The following ZBTB25 variants were observed in gnomAD, a reference collection of about 807,000 sequenced individuals.
The protein encoded by ZBTB25 is zinc finger and BTB domain containing 25, also known as zinc finger and BTB domain-containing protein 25.
In ZBTB25, 20 loss-of-function variants were observed where a neutral mutation model predicts 34.2. That is an observed-to-expected ratio of 0.58 (90% CI 0.41 to 0.85). ZBTB25 has a LOEUF of 0.85. Among genes scored for constraint, ZBTB25 ranks in the 40% least tolerant of loss-of-function variants. The pLI is 0.00. For missense variants in ZBTB25, 437 were observed against 521.8 expected, an observed-to-expected ratio of 0.84 and a Z score of 1.58; for synonymous variants, 175 against 186.4, an observed-to-expected ratio of 0.94 and a Z score of 0.50.
chr14:64,468,420 A>T, intron 2 of ZBTB25: 1 of 1,603,876 alleles, frequency 6.2e-7, no homozygotes, highest in East Asian at 2.2e-5. Flanking sequence ...TCAGAAATTC[A>T]TGTAGAAAAC....
chr14:64,493,492 G>C (rs74835102), intron 1 of ZBTB25, among the ~76,000 whole-genome samples: 1 of 152,148 alleles, frequency 6.6e-6, no homozygotes, highest in East Asian at 1.9e-4. Context: ...ATCATTAGGC[G>C]TGAGTAAAGA....
At chr14:64,456,326 G>A (rs1420015993) in intron 2 of ZBTB25, among the ~76,000 whole-genome samples, 1 of 152,310 alleles carries the variant, frequency 6.6e-6, no homozygotes, top group East Asian at 1.9e-4. Context: ...ACACCTTCCA[G>A]TTGCCGTTGG....
In ZBTB25 at chr14:64,486,215, TG is replaced by T. The variant is rs34781508; in HGVS notation, c.*707del. 0.3 allele frequency: 242,002 copies of T among 819,152 alleles called. 37,656 individuals are homozygous for T. The highest frequency in any genetic ancestry group is 0.41 in the East Asian group (3,286 of 8,026). 50.7% of individuals were successfully genotyped at this position (819,152 alleles called of 1,614,324 possible). ...TGCTCAGGAGGCTGAGGCAGGAGAA[TG>T]GCGTGAACCCGGGAGGCGGAGCTTG... On this transcript the variant is annotated 3_prime_UTR_variant, in exon 3 of 3. Coordinates refer to ENST00000608382, the MANE Select transcript of ZBTB25 (RefSeq NM_006977.5).
chr14:64,478,712 T>C lies in ZBTB25; in HGVS notation c.*8211A>G, dbSNP rs562837302. 5.0e-4 allele frequency: 76 copies of C among 152,362 alleles called. No homozygotes were observed. Among genetic ancestry groups the C allele is most frequent in the African/African-American group, 1.8e-3 (73 of 41,584 alleles). The allele number at this position is 152,362 out of a possible 1,614,324, so 9.4% of individuals were successfully genotyped here. On this transcript the variant is annotated 3_prime_UTR_variant, in exon 3 of 3. Coordinates refer to ENST00000608382, the MANE Select transcript of ZBTB25 (RefSeq NM_006977.5). The stretch of plus-strand genomic sequence containing the variant: ...TTGATTAAAGAGGGATGTCAAGATA[T>C]TGCAGTACCTTATGAAATTTTAAGA...
rs752774262 is a variant in ZBTB25, at chr14:64,487,732, G to A, written c.499C>T (p.Gln167Ter). 1.2e-6 allele frequency: 2 copies of A among 1,613,884 alleles called. No individual in the cohort carries two copies. Among genetic ancestry groups the A allele is most frequent in the Non-Finnish European group, 1.7e-6 (2 of 1,179,992 alleles). The change falls in exon 3 of 3, where the codon CAG (glutamine) becomes TAG (stop). Residue 167 changes from glutamine to a stop codon, truncating the protein, a stop_gained. Coordinates refer to ENST00000608382, the MANE Select transcript of ZBTB25 (RefSeq NM_006977.5). LOFTEE classifies it high-confidence loss of function. ...CCAATAGCAAGAGACAACTGCAACT[G>A]GGGGTGGTCACCCTGGACAGCAGCT... ...NRAAVQGDHPQLQLSLAIGLD... is the reference protein window; with the variant it reads ...NRAAVQGDHP
upstream of ZBTB25, chr14:64,503,951 A>G (rs938018367): frequency 6.6e-6 from 1 of 152,134 alleles, no homozygotes; most frequent in Admixed American, 6.5e-5. Flanking sequence ...TGCCGCCGCC[A>G]CAGTTCGCAG....
chr14:64,468,634 C>T (rs755917276), intron 2 of ZBTB25: 1 of 1,613,898 alleles, frequency 6.2e-7, no homozygotes. Flanking sequence ...GGGCCTGGGC[C>T]TCACTCAAAC....
chr14:64,502,745 C>G (rs2079537696), intron 1 of ZBTB25: 1 of 983,134 alleles, frequency 1.0e-6, no homozygotes. Context: ...TGTCTGGAGC[C>G]TTGGAGTCTT....
chr14:64,449,681 C>A (rs768078804), intron 2 of ZBTB25: 1 of 1,579,642 alleles, frequency 6.3e-7, no homozygotes, highest in Non-Finnish European at 8.6e-7. Flanking sequence ...AGTGAAGTTT[C>A]TGTGTGGCTA....
chr14:64,453,485 C>T (rs1474127954), intron 2 of ZBTB25, among the ~76,000 whole-genome samples: 1 of 152,106 alleles, frequency 6.6e-6, no homozygotes, highest in Non-Finnish European at 1.5e-5. Flanking sequence ...GCAGGAGAAT[C>T]GCTTGAACCT....
At chr14:64,501,136 C>T (rs776135343) in intron 1 of ZBTB25, among the ~76,000 whole-genome samples, 8 of 152,180 alleles carry the variant, frequency 5.3e-5, no homozygotes, top group Admixed American at 1.3e-4. Context: ...CAAACACTTT[C>T]TTCTTCCTCC....
intron 2 of ZBTB25, chr14:64,461,608 G>A (rs1322783489): frequency 7.0e-6 from 1 of 142,568 alleles, no homozygotes; most frequent in East Asian, 2.1e-4. Flanking sequence ...GGGGGTAGGG[G>A]GGTTGGGACA....
At chr14:64,489,724 C>G (rs537378445) in intron 2 of ZBTB25, among the ~76,000 whole-genome samples, 2 of 150,138 alleles carry the variant, frequency 1.3e-5, no homozygotes, top group South Asian at 4.2e-4. Context: ...TTAGTAGAGA[C>G]GGGGTTTCAC....
In ZBTB25 at chr14:64,478,558, AAG is replaced by A. The variant is rs778533040; in HGVS notation, c.*8363_*8364del. 12 of 152,238 alleles carry A rather than the reference AAG, an allele frequency of 7.9e-5. No homozygotes were observed. The highest frequency in any genetic ancestry group is 4.1e-4 in the South Asian group (2 of 4,834). 9.4% of individuals were successfully genotyped at this position (152,238 alleles called of 1,614,324 possible). ...AAAACTGAGTGTGATGCCTGATTAA[AAG>A]AGCCCAAATTCCAAGGCCTCACAGT... is the stretch of plus-strand genomic sequence containing the variant. On this transcript the variant is annotated 3_prime_UTR_variant, in exon 3 of 3. Coordinates refer to ENST00000608382, the MANE Select transcript of ZBTB25 (RefSeq NM_006977.5).
downstream of ZBTB25, chr14:64,473,629 A>G (rs777968657): frequency 1.2e-5 from 2 of 167,114 alleles, no homozygotes; most frequent in Non-Finnish European, 2.9e-5. Context: ...GAGGTTTACA[A>G]CAGAATTTAA....
At chr14:64,467,348 A>C (rs2078622857) in intron 2 of ZBTB25, 1 of 152,208 alleles carries the variant, frequency 6.6e-6, no homozygotes, top group African/African-American at 2.4e-5. Context: ...TGCACTGCCT[A>C]ATACCCAAGA....
At chr14:64,457,355 G>C (rs2078491642) in intron 2 of ZBTB25, among the ~76,000 whole-genome samples, 1 of 152,124 alleles carries the variant, frequency 6.6e-6, no homozygotes, top group Admixed American at 6.6e-5. Flanking sequence ...GTAAGGTGAA[G>C]GTGGAAACAC....
At chr14:64,492,871 C>T (rs920289319) in intron 1 of ZBTB25, among the ~76,000 whole-genome samples, 4 of 152,130 alleles carry the variant, frequency 2.6e-5, no homozygotes, top group Non-Finnish European at 5.9e-5. Flanking sequence ...AGATGCTACA[C>T]TCAAGATTAC....
At position 64,459,131 on chromosome 14, in the gene ZBTB25, G is replaced by A. The variant is rs1374858249; in HGVS notation, c.174-9493C>T. 3.9e-5 allele frequency among the ~76,000 whole-genome samples: 6 copies of A among 152,282 alleles called. No homozygotes were observed. The South Asian group carries it at 6.2e-4, about 16-fold the overall frequency. On this transcript the variant is annotated intron_variant, in intron 2 of 2. Coordinates refer to the ZBTB25 transcript ENST00000555220. ...TTTCAACATGTGCTCACACCTAGCC[G>A]AATCTATCTGGATATTTTCAGACGT... is the stretch of plus-strand genomic sequence containing the variant.
Sources: gnomAD v4.1 joint callset for allele counts (sites outside exome capture counted in the v4.1 genomes callset) on GRCh38, gnomAD v4.1.1 for gene constraint, MANE v1.5 for transcripts, NCBI Gene and HGNC (gene_info 2026-07-23, HGNC 2026-07-21) for gene names.